Variants in ENOX1 observed in about 807,000 individuals in gnomAD.
The protein encoded by ENOX1 is candidate growth-related and time keeping constitutive hydroquinone (NADH) oxidase.
ENOX1 carries 42 observed loss-of-function variants against 82.5 expected under a neutral mutation model. The observed-to-expected ratio is 0.51, with a 90% CI of 0.40 to 0.66. The LOEUF (loss-of-function observed/expected upper bound fraction) is 0.66, where lower values mean the gene tolerates loss of function less well. Among genes scored for constraint, ENOX1 ranks in the 30% least tolerant of loss-of-function variants. The probability of loss-of-function intolerance (pLI) is 0.00; values close to 1 mark genes in which losing one functional copy is unlikely to be tolerated. For missense variants in ENOX1, 608 were observed against 811.6 expected (o/e 0.75, Z 3.05); for synonymous variants, 271 against 282.2 (o/e 0.96, Z 0.40).
chr13:43,235,731 C>CA (rs558553513), intron 15 of ENOX1, among the ~76,000 whole-genome samples: 6,521 of 82,446 alleles, frequency 0.079, 161 homozygotes, highest in Middle Eastern at 0.13. Flanking sequence ...GACCCTGTCT[C>CA]AAAAAAAAAA....
At chr13:43,725,502 G>A (rs764401970) in intron 1 of ENOX1, among the ~76,000 whole-genome samples, 1 of 152,038 alleles carries the variant, frequency 6.6e-6, no homozygotes, top group South Asian at 2.1e-4. Flanking sequence ...GCTCCTCTCC[G>A]AGACAAGGAC....
intron 1 of ENOX1, among the ~76,000 whole-genome samples, chr13:43,680,961 A>C (rs1003913608): frequency 6.6e-6 from 1 of 152,160 alleles, no homozygotes; most frequent in African/African-American, 2.4e-5. Context: ...TGAAGAAAGA[A>C]AAAACAGAGA....
At chr13:43,223,385 A>C (rs986058445) in intron 16 of ENOX1, among the ~76,000 whole-genome samples, 3 of 152,124 alleles carry the variant, frequency 2.0e-5, no homozygotes, top group African/African-American at 7.2e-5. Flanking sequence ...TCCATTGTTC[A>C]CATGAATTTG....
In ENOX1 at chr13:43,495,412, G is replaced by A. The variant is rs1262766875; in HGVS notation, c.-218-11260C>T. On this transcript the variant is annotated intron_variant, in intron 2 of 16. Transcript: ENST00000690772. ...ACTTGAACTCTGTATATAATCATAC[G>A]GTATACCAGATAGCATATGTTCTTT... Among the ~76,000 whole-genome samples, 3 of 151,750 alleles carry A rather than the reference G, an allele frequency of 2.0e-5. No individual in the cohort carries two copies. The East Asian group carries it at 5.8e-4, about 29-fold the overall frequency.
chr13:43,685,873 A>AACACACACACACACAC (rs60259011), intron 1 of ENOX1, among the ~76,000 whole-genome samples: 142 of 141,520 alleles, frequency 1.0e-3, no homozygotes, highest in African/African-American at 3.2e-3. Flanking sequence ...CCCAGAAGGA[A>AACACACACACACACAC]ACACACACAC....
At chr13:43,690,261 A>G (rs1157844909) in intron 1 of ENOX1, among the ~76,000 whole-genome samples, 14 of 103,852 alleles carry the variant, frequency 1.3e-4, no homozygotes, top group Admixed American at 5.7e-4. Flanking sequence ...AATAAGTTAA[A>G]AAAAAAAAAA....
chr13:43,714,184 T>C (rs1045614245), intron 1 of ENOX1, among the ~76,000 whole-genome samples: 7 of 152,156 alleles, frequency 4.6e-5, no homozygotes, highest in African/African-American at 1.7e-4. Context: ...CAGTAGTCAT[T>C]CAGGAGCAGG....
At chr13:43,432,774 G>T (rs1424051075) in intron 3 of ENOX1, among the ~76,000 whole-genome samples, 1 of 152,152 alleles carries the variant, frequency 6.6e-6, no homozygotes, top group African/African-American at 2.4e-5. Flanking sequence ...GGTTATTATT[G>T]TTGCTTTCTA....
chr13:43,731,287 G>T (rs1191771128), intron 1 of ENOX1, among the ~76,000 whole-genome samples: 1 of 152,156 alleles, frequency 6.6e-6, no homozygotes, highest in African/African-American at 2.4e-5. Flanking sequence ...AATTAATGAT[G>T]TTCTCTCTGT....
intron 1 of ENOX1, among the ~76,000 whole-genome samples, chr13:43,687,355 G>A (rs1192848749): frequency 6.6e-6 from 1 of 152,162 alleles, no homozygotes; most frequent in Non-Finnish European, 1.5e-5. Flanking sequence ...TTGGACGGGG[G>A]AATGGATCAT....
chr13:43,684,318 T>C (rs990715331), intron 1 of ENOX1, among the ~76,000 whole-genome samples: 2 of 152,174 alleles, frequency 1.3e-5, no homozygotes, highest in Non-Finnish European at 2.9e-5. Flanking sequence ...GACATAGGTA[T>C]CTCAATTATT....
chr13:43,523,004 C>T (rs1238232777), intron 2 of ENOX1, among the ~76,000 whole-genome samples: 1 of 152,160 alleles, frequency 6.6e-6, no homozygotes, highest in Admixed American at 6.5e-5. Context: ...ATTTCAACCA[C>T]ATCACAGTAG....
intron 5 of ENOX1, among the ~76,000 whole-genome samples, chr13:43,388,355 G>T (rs889187696): frequency 6.6e-6 from 1 of 152,150 alleles, no homozygotes; most frequent in Non-Finnish European, 1.5e-5. Flanking sequence ...TAATAAATTT[G>T]GTTTGCCTGT....
intron 3 of ENOX1, among the ~76,000 whole-genome samples, chr13:43,465,497 G>T (rs1300355857): frequency 1.3e-5 from 2 of 151,584 alleles, no homozygotes; most frequent in African/African-American, 4.8e-5. Context: ...TATTTTTACT[G>T]TCCCAGCCAC....
intron 3 of ENOX1, among the ~76,000 whole-genome samples, chr13:43,477,381 A>C (rs2058332154): frequency 6.6e-6 from 1 of 152,122 alleles, no homozygotes; most frequent in Non-Finnish European, 1.5e-5. Flanking sequence ...TGACAATAAA[A>C]ATTAACATTT....
intron 1 of ENOX1, among the ~76,000 whole-genome samples, chr13:43,726,215 C>CTT (rs112974839): frequency 4.0e-4 from 54 of 135,480 alleles, no homozygotes; most frequent in African/African-American, 9.0e-4. Flanking sequence ...AATTTTTCAT[C>CTT]TTTTTTTTTT....
chr13:43,707,081 G>A (rs1001997613), intron 1 of ENOX1, among the ~76,000 whole-genome samples: 1 of 151,912 alleles, frequency 6.6e-6, no homozygotes, highest in Non-Finnish European at 1.5e-5. Context: ...ATGACAGAAA[G>A]TGAATATATG....
At chr13:43,514,900 C>G (rs1036866004) in intron 2 of ENOX1, among the ~76,000 whole-genome samples, 1 of 152,034 alleles carries the variant, frequency 6.6e-6, no homozygotes, top group Admixed American at 6.6e-5. Flanking sequence ...CTGTAGCCCC[C>G]CCTTCCTAAA....
chr13:43,442,859 A>G (rs1036414244), intron 3 of ENOX1, among the ~76,000 whole-genome samples: 1 of 152,200 alleles, frequency 6.6e-6, no homozygotes, highest in South Asian at 2.1e-4. Context: ...ATAATACATA[A>G]TACATACCAA....
Sources: allele counts gnomAD v4.1 joint callset (sites outside exome capture counted in the v4.1 genomes callset), GRCh38; gene constraint gnomAD v4.1.1; transcripts MANE v1.5; gene names NCBI Gene and HGNC (gene_info 2026-07-23, HGNC 2026-07-21).